The following ASH2L variants were observed in gnomAD, a reference collection of about 807,000 sequenced individuals.
ASH2L encodes the protein ASH2 like, histone lysine methyltransferase complex subunit.
ASH2L carries 30 observed loss-of-function variants against 81.1 expected under a neutral mutation model. That is an observed-to-expected ratio of 0.37 (90% CI 0.28 to 0.50). ASH2L has a LOEUF of 0.50. Ranked by LOEUF, ASH2L falls within the 20% of genes least tolerant of loss-of-function variation. The pLI is 0.95. For synonymous variants in ASH2L, 273 were observed against 279.9 expected, an observed-to-expected ratio of 0.98 and a Z score of 0.24; for missense variants, 559 against 792.1, an observed-to-expected ratio of 0.71 and a Z score of 3.53.
In ASH2L at chr8:38,105,578, C is replaced by T. The variant is rs1026067812; in HGVS notation, c.28C>T (p.Gln10Ter). Residue 10 changes from glutamine to a stop codon, truncating the protein, a stop_gained, in exon 1 of 16, where the codon CAG becomes TAG. Transcript: ENST00000343823. LOFTEE classifies it high-confidence loss of function. ...GGCGGCGGCAGGAGCAGGACCTGGC[C>T]AGGAAGCGGGTGCCGGGCCTGGCCC... MAAAGAGPG[Q>*]EAGAGPGPGA... The T allele has an allele frequency of 2.5e-6, 4 of 1,585,606 alleles. No individual in the cohort carries two copies. The highest frequency in any genetic ancestry group is 3.4e-6 in the Non-Finnish European group (4 of 1,164,938).
chr8:38,135,413 C>T lies in ASH2L; in HGVS notation c.1621-255C>T, dbSNP rs573591038. Among the ~76,000 whole-genome samples the T allele has an allele frequency of 7.9e-5, 12 of 152,120 alleles. No homozygotes were observed. In the East Asian group the frequency reaches 2.3e-3, roughly 29 times the overall value. ...GCAGTGAGCCAAGATCACACCACTG[C>T]ACTCCAGCCTGAGTCACAGAGTGAG... On this transcript the variant is annotated intron_variant, in intron 13 of 15. Transcript: ENST00000343823.
intron 14 of ASH2L, among the ~76,000 whole-genome samples, chr8:38,136,314 C>T (rs1022411520): frequency 3.3e-5 from 5 of 151,104 alleles, no homozygotes; most frequent in African/African-American, 1.2e-4. Context: ...AAGCAGTTCT[C>T]CCAGCTCAGC....
chr8:38,135,180 A>T (rs1802204419), intron 13 of ASH2L, among the ~76,000 whole-genome samples: 1 of 152,224 alleles, frequency 6.6e-6, no homozygotes, highest in Non-Finnish European at 1.5e-5. Context: ...AGTGCAATGA[A>T]TAATAAAATA....
At position 38,106,182 on chromosome 8, in the gene ASH2L, G is replaced by A. The variant is rs574722977; in HGVS notation, c.189-196G>A. ...GGCCGGTTAGGCTTCCCTGTGCTCC[G>A]TGGGTCCGCGACTGTCTGACATGTC... On this transcript the variant is annotated intron_variant, in intron 1 of 15. Coordinates refer to ENST00000343823, the MANE Select transcript of ASH2L (RefSeq NM_004674.5). 3.2e-5 allele frequency: 48 copies of A among 1,516,804 alleles called. 1 individual carries two copies. The South Asian group carries it at 5.6e-4, about 18-fold the overall frequency. 94.0% of individuals were successfully genotyped at this position (1,516,804 alleles called of 1,614,324 possible).
At chr8:38,121,713 T>C (rs1193924901) in intron 10 of ASH2L, among the ~76,000 whole-genome samples, 1 of 152,216 alleles carries the variant, frequency 6.6e-6, no homozygotes, top group Non-Finnish European at 1.5e-5. Context: ...TGAAGATTTG[T>C]CTGATGTTTT....
rs1361454132 is a variant in ASH2L, at chr8:38,105,640, G to A, written c.90G>A (p.Gly30=). ...CAAATGCAACAGGGGCAGAAGAGGGGGAGATGAAGCCGGTGGCAGCGGGAG... is the reference window on the plus strand; with the variant it reads ...CAAATGCAACAGGGGCAGAAGAGGGAGAGATGAAGCCGGTGGCAGCGGGAG... ...AVANATGAEE[G]EMKPVAAGAA... Residue 30 remains glycine, a synonymous_variant, in exon 1 of 16, where the codon GGG becomes GGA. Coordinates refer to ENST00000343823, the MANE Select transcript of ASH2L (RefSeq NM_004674.5). 4 of 1,602,308 alleles carry A rather than the reference G, an allele frequency of 2.5e-6. No homozygotes were observed. The highest frequency in any genetic ancestry group is 1.8e-4 in the Middle Eastern group (1 of 5,438).
intron 8 of ASH2L, chr8:38,117,410 T>A: frequency 2.0e-6 from 2 of 982,758 alleles, no homozygotes; most frequent in Non-Finnish European, 2.4e-6. Context: ...GTTTTAATTG[T>A]TAAAATTTGA....
At chr8:38,122,097 C>T (rs948433238) in intron 10 of ASH2L, among the ~76,000 whole-genome samples, 3 of 152,012 alleles carry the variant, frequency 2.0e-5, no homozygotes, top group African/African-American at 7.3e-5. Context: ...TCAGTATGGA[C>T]TCATATATAT....
In ASH2L at chr8:38,106,982, C is replaced by G. The variant is rs1810462662; in HGVS notation, c.256-39C>G. On this transcript the variant is annotated intron_variant, in intron 2 of 15. Transcript: ENST00000343823. ...AAAATAAAATAAAGTAAAATACATT[C>G]AAGTCAACTGATTTGAGTCTCGAAC... The G allele has an allele frequency of 2.5e-6, 4 of 1,610,812 alleles. No individual in the cohort carries two copies. The Admixed American group carries it at 5.0e-5, about 20-fold the overall frequency.
At chr8:38,119,232 T>C (rs781589826) in intron 8 of ASH2L, 38 bp from the exon 9 acceptor site, 3 of 1,520,622 alleles carry the variant, frequency 2.0e-6, no homozygotes, top group South Asian at 1.2e-5. Context: ...GGTGTTTCCC[T>C]TGTGGCTCAT....
intron 10 of ASH2L, among the ~76,000 whole-genome samples, chr8:38,121,584 A>T (rs1811154123): frequency 1.3e-5 from 2 of 151,970 alleles, no homozygotes; most frequent in South Asian, 4.1e-4. Context: ...TTCCACTCAC[A>T]CTTAATTATT....
At chr8:38,131,088 T>A (rs1802043222) in intron 12 of ASH2L, among the ~76,000 whole-genome samples, 1 of 152,202 alleles carries the variant, frequency 6.6e-6, no homozygotes, top group African/African-American at 2.4e-5. Flanking sequence ...CACAGTGTCT[T>A]GGTTATCATA....
intron 12 of ASH2L, among the ~76,000 whole-genome samples, chr8:38,131,323 T>C (rs1319113210): frequency 6.6e-6 from 1 of 152,080 alleles, no homozygotes; most frequent in Non-Finnish European, 1.5e-5. Context: ...ATGATTCATT[T>C]ACATTACAAA....
intron 1 of ASH2L, 178 bp from the exon 2 acceptor site, chr8:38,106,200 G>T: frequency 6.8e-7 from 1 of 1,473,694 alleles, no homozygotes; most frequent in South Asian, 1.2e-5. Flanking sequence ...GCGACTGTCT[G>T]ACATGTCCAC....
rs147185198 is a variant in ASH2L at position 38,112,300 on chromosome 8, CTTTATTTA to C, written c.585+1492_585+1499del. On this transcript the variant is annotated intron_variant, in intron 5 of 15. Transcript: ENST00000343823. Reference sequence around the variant, plus strand: ...AGGCATAAACCAACACACCCAGCCCCTTTATTTATTTATTTATTTATTTATTTATTTAA... The same window carrying C: ...AGGCATAAACCAACACACCCAGCCCCTTTATTTATTTATTTATTTATTTAA... 1.5e-3 allele frequency among the ~76,000 whole-genome samples: 234 copies of C among 151,350 alleles called. 1 individual carries two copies. The East Asian group carries it at 0.037, about 24-fold the overall frequency.
At chr8:38,115,147 A>G in intron 7 of ASH2L, 147 bp downstream of exon 7, 1 of 614,544 alleles carries the variant, frequency 1.6e-6, no homozygotes, top group Non-Finnish European at 3.0e-6. Flanking sequence ...ATAGTGACTG[A>G]TATGAGAGTA....
chr8:38,110,484 G>A lies in ASH2L; in HGVS notation c.490+17G>A, dbSNP rs375173227. The A allele has an allele frequency of 1.2e-6, 2 of 1,600,478 alleles. No individual in the cohort carries two copies. Among genetic ancestry groups the A allele is most frequent in the African/African-American group, 2.7e-5 (2 of 74,622 alleles). ...AGCAAGCAAGTAAGAACAAACTCTGGAGTATTTGAAGATGATTATCCACTG... is the reference window on the plus strand; with the variant it reads ...AGCAAGCAAGTAAGAACAAACTCTGAAGTATTTGAAGATGATTATCCACTG... On this transcript the variant is annotated intron_variant, in intron 4 of 15. Transcript: ENST00000343823.
rs1801938195 is a variant in ASH2L at position 38,128,332 on chromosome 8, G to A, written c.1207G>A (p.Gly403Arg). 6.2e-7 allele frequency: 1 copy of A among 1,614,180 alleles called. No homozygotes were observed. Among genetic ancestry groups the A allele is most frequent in the Non-Finnish European group, 8.5e-7 (1 of 1,180,030 alleles). ...KISDDRLTVV[G>R]EKGYSMVRAS... is the part of the protein sequence containing the mutation. ...CTCAGATGACCGGCTGACTGTGGTT[G>A]GAGAGAAGGGCTACTCTATGGTGAG... The change falls in exon 11 of 16, where the codon GGA becomes AGA. Residue 403 changes from glycine to arginine, a missense_variant. By Grantham distance (125) the Gly-to-Arg change is moderately radical (BLOSUM62 -2). This residue lies in a region of ASH2L where 318 missense variants were observed against 527.0 expected (regional missense o/e 0.60). Coordinates refer to ENST00000343823, the MANE Select transcript of ASH2L (RefSeq NM_004674.5).
chr8:38,105,733 A>T lies in ASH2L; in HGVS notation c.183A>T (p.Glu61Asp). The T allele has an allele frequency of 6.6e-7, 1 of 1,520,752 alleles. No individual in the cohort carries two copies. Among genetic ancestry groups the T allele is most frequent in the Non-Finnish European group, 8.8e-7 (1 of 1,137,352 alleles). 94.2% of individuals were successfully genotyped at this position (1,520,752 alleles called of 1,614,324 possible). Residue 61 changes from glutamate (E) to aspartate (D), a missense_variant, in exon 1 of 16, where the codon GAA (glutamate) becomes GAT (aspartate). Physicochemically the swap from Glu to Asp is conservative, Grantham distance 45. This residue lies in a region of ASH2L where 145 missense variants were observed against 115.5 expected (regional missense o/e 1.26). Transcript: ENST00000343823. ...PTVEPSSGEA[E>D]GGEANLVDVS... The stretch of plus-strand genomic sequence containing the variant: ...TTGAGCCCAGTTCCGGGGAGGCTGA[A>T]GGCGGGTAAGAGGTCCTGCCGCCCG...
Sources: gnomAD v4.1 joint callset for allele counts (sites outside exome capture counted in the v4.1 genomes callset) on GRCh38, gnomAD v4.1.1 for gene constraint, gnomAD v4.1.1 regional missense constraint, MANE v1.5 for transcripts, NCBI Gene and HGNC (gene_info 2026-07-23, HGNC 2026-07-21) for gene names.